The following COL23A1 variants were observed in gnomAD, a reference collection of about 807,000 sequenced individuals.
COL23A1 encodes the protein collagen alpha-1(XXIII) chain.
COL23A1 carries 97 observed loss-of-function variants against 99.3 expected under a neutral mutation model. The ratio of observed to expected loss-of-function variants is 0.98; its 90% CI spans 0.83 to 1.16. The LOEUF is 1.16. Ranked by LOEUF, COL23A1 falls within the 50% of genes most tolerant of loss-of-function variation. The probability of loss-of-function intolerance (pLI) is 0.00; values close to 1 mark genes in which losing one functional copy is unlikely to be tolerated. For missense variants in COL23A1, 762 were observed against 757.4 expected (o/e 1.01, Z -0.07); for synonymous variants, 320 against 308.2 (o/e 1.04, Z -0.40).
intron 2 of COL23A1, among the ~76,000 whole-genome samples, chr5:178,402,247 T>A (rs1377215702): frequency 3.9e-5 from 6 of 152,152 alleles, no homozygotes; most frequent in Admixed American, 3.9e-4. Context: ...TCCTAGCTCC[T>A]AGGGAGGCTG....
intron 2 of COL23A1, among the ~76,000 whole-genome samples, chr5:178,478,338 G>A (rs1000466934): frequency 3.9e-5 from 6 of 152,188 alleles, no homozygotes; most frequent in African/African-American, 1.2e-4. Flanking sequence ...AGGGTTATCC[G>A]GGACTAACTG....
At chr5:178,500,220 A>C (rs1377880096) in intron 2 of COL23A1, among the ~76,000 whole-genome samples, 1 of 152,128 alleles carries the variant, frequency 6.6e-6, no homozygotes, top group African/African-American at 2.4e-5. Flanking sequence ...GTATGTATAC[A>C]TATATGTCAA....
Position 178,590,036 on chromosome 5 carries a change from C to T in COL23A1, c.162G>A (p.Leu54=). 2 of 1,353,492 alleles carry T rather than the reference C, an allele frequency of 1.5e-6. No individual in the cohort carries two copies. Among genetic ancestry groups the T allele is most frequent in the South Asian group, 1.7e-5 (1 of 57,656 alleles). The allele number at this position is 1,353,492 out of a possible 1,614,324, so 83.8% of individuals were successfully genotyped here. A position where few individuals can be genotyped will look rare whatever the true frequency, so the allele number is the denominator to read the frequency against. The change falls in exon 1 of 29, where the codon CTG becomes CTA. Residue 54 remains leucine (L), a synonymous_variant. Coordinates refer to ENST00000390654, the MANE Select transcript of COL23A1 (RefSeq NM_173465.4). The surrounding 1 kb of genome is among the most constrained non-coding windows in gnomAD (Gnocchi z 5.7). ...CCTGCAGCGCGGCCGCCTGGACACC[C>T]AGCAGCAGGCAGGCAGCCGCCGAGC... ...SVGSAAACLL[L]GVQAAALQGR...
chr5:178,277,201 A>T (rs1031149612), intron 5 of COL23A1, among the ~76,000 whole-genome samples: 2 of 14,976 alleles, frequency 1.3e-4, no homozygotes, highest in East Asian at 4.6e-4. Context: ...CCTCATCTCT[A>T]AAAAAAAAAA....
intron 18 of COL23A1, among the ~76,000 whole-genome samples, chr5:178,249,712 A>ACTCTCT (rs1425842167): frequency 2.2e-5 from 2 of 90,560 alleles, no homozygotes; most frequent in African/African-American, 3.6e-5. Context: ...ACACACACAC[A>ACTCTCT]CACACTCTCT....
rs76192953 is a variant in COL23A1, at chr5:178,406,818, T to C, written c.362-99899A>G. ...AGCTTTGATAACTTTGAAAAATTAGTGTAATGAGTAAAGACTAGCCAGATT... is the reference window on the plus strand; with the variant it reads ...AGCTTTGATAACTTTGAAAAATTAGCGTAATGAGTAAAGACTAGCCAGATT... On this transcript the variant is annotated intron_variant, in intron 2 of 28. Coordinates refer to ENST00000390654, the MANE Select transcript of COL23A1 (RefSeq NM_173465.4). Among the ~76,000 whole-genome samples the C allele has an allele frequency of 3.6e-3, 551 of 152,290 alleles. 3 individuals are homozygous for C. The highest frequency in any genetic ancestry group is 6.0e-3 in the Non-Finnish European group (411 of 68,020).
intron 2 of COL23A1, among the ~76,000 whole-genome samples, chr5:178,481,958 AC>A (rs1418034762): frequency 6.6e-6 from 1 of 151,820 alleles, no homozygotes; most frequent in African/African-American, 2.4e-5. Context: ...CCAACATGGC[AC>A]ATGTATACAT....
intron 3 of COL23A1, among the ~76,000 whole-genome samples, chr5:178,293,069 G>A (rs1757547130): frequency 6.6e-6 from 1 of 152,084 alleles, no homozygotes. Flanking sequence ...GTTGAGGGAT[G>A]TGGACAGTGG....
At chr5:178,475,436 C>G (rs1376239493) in intron 2 of COL23A1, among the ~76,000 whole-genome samples, 1 of 152,066 alleles carries the variant, frequency 6.6e-6, no homozygotes, top group South Asian at 2.1e-4. Context: ...AGGCAGAGAC[C>G]CCGAGGCAGA....
chr5:178,518,430 T>C (rs1305107378), intron 2 of COL23A1, among the ~76,000 whole-genome samples: 43 of 146,700 alleles, frequency 2.9e-4, no homozygotes, highest in South Asian at 8.6e-4. Flanking sequence ...CCAGACGGGG[T>C]GGTGGCCGGG....
rs943194196 is a variant in COL23A1, at chr5:178,544,993, G to C, written c.361+15689C>G. Among the ~76,000 whole-genome samples, 1 of 152,224 alleles carries C rather than the reference G, an allele frequency of 6.6e-6. No individual in the cohort carries two copies. Among genetic ancestry groups the C allele is most frequent in the African/African-American group, 2.4e-5 (1 of 41,456 alleles). ...TAGTCCCAGCTACTTGGGAGGCTGA[G>C]GTAAGAGGATCATTGAGCCCGGGAA... On this transcript the variant is annotated intron_variant, in intron 2 of 28. Coordinates refer to ENST00000390654, the MANE Select transcript of COL23A1 (RefSeq NM_173465.4). This position sits in a 1 kb window ranked among gnomAD's most constrained non-coding sequence, Gnocchi z 4.4.
chr5:178,388,959 C>G (rs1351663106), intron 2 of COL23A1, among the ~76,000 whole-genome samples: 1 of 152,158 alleles, frequency 6.6e-6, no homozygotes, highest in East Asian at 1.9e-4. Flanking sequence ...ACTGTGGAAC[C>G]CTTTCCGCAG....
intron 2 of COL23A1, among the ~76,000 whole-genome samples, chr5:178,559,311 C>G (rs941770233): frequency 4.6e-5 from 7 of 152,210 alleles, no homozygotes; most frequent in African/African-American, 9.6e-5. Context: ...AGTTTGGTTT[C>G]CGGACACTTG....
At chr5:178,260,283 G>A (rs1765558894) in intron 11 of COL23A1, among the ~76,000 whole-genome samples, 1 of 152,144 alleles carries the variant, frequency 6.6e-6, no homozygotes, top group Admixed American at 6.5e-5. Flanking sequence ...TCGGTGAGTG[G>A]GTAAATAAAC....
intron 2 of COL23A1, among the ~76,000 whole-genome samples, chr5:178,470,459 C>A (rs908102000): frequency 6.6e-6 from 1 of 152,204 alleles, no homozygotes; most frequent in African/African-American, 2.4e-5. Context: ...CGTGAGGACT[C>A]CCAGCTCCCC....
chr5:178,414,310 A>T lies in COL23A1; in HGVS notation c.362-107391T>A, dbSNP rs150819897. ...TTTATCTACTTGATTGCAAGCTCTC[A>T]GAGGGCAGGAATTGTATGTACCTTA... On this transcript the variant is annotated intron_variant, in intron 2 of 28. Transcript: ENST00000390654. 1.1e-4 allele frequency among the ~76,000 whole-genome samples: 17 copies of T among 152,300 alleles called. No homozygotes were observed. In the East Asian group the frequency reaches 2.5e-3, roughly 22 times the overall value.
chr5:178,337,332 G>T (rs1760393911), intron 2 of COL23A1, among the ~76,000 whole-genome samples: 1 of 152,272 alleles, frequency 6.6e-6, no homozygotes, highest in Non-Finnish European at 1.5e-5. Context: ...TCCCGTGGGA[G>T]TTGGAGCGTT....
At chr5:178,316,125 G>C (rs1054573159) in intron 2 of COL23A1, among the ~76,000 whole-genome samples, 5 of 152,004 alleles carry the variant, frequency 3.3e-5, no homozygotes, top group Non-Finnish European at 7.4e-5. Flanking sequence ...TGGTCTTCAC[G>C]GATGGTCATT....
chr5:178,517,932 T>C (rs1759647213), intron 2 of COL23A1, among the ~76,000 whole-genome samples: 1 of 130,240 alleles, frequency 7.7e-6, no homozygotes, highest in Non-Finnish European at 1.6e-5. Flanking sequence ...AATTCTTGGG[T>C]GTTTCTCACA....
Sources: gnomAD v4.1 joint callset for allele counts (sites outside exome capture counted in the v4.1 genomes callset) on GRCh38, gnomAD v4.1.1 for gene constraint, Gnocchi (gnomAD v3.1) non-coding constraint, MANE v1.5 for transcripts, NCBI Gene and HGNC (gene_info 2026-07-23, HGNC 2026-07-21) for gene names.